KCNH1: variants seen among roughly 807,000 people sequenced by gnomAD.
KCNH1 encodes potassium voltage-gated channel subfamily H member 1, also known as voltage-gated delayed rectifier potassium channel KCNH1.
A neutral mutation model predicts 69.2 loss-of-function variants in KCNH1; 27 were observed. The observed-to-expected ratio is 0.39, with a 90% CI of 0.29 to 0.54. The LOEUF (loss-of-function observed/expected upper bound fraction) is 0.54. Ranked by LOEUF, KCNH1 falls within the 20% of genes least tolerant of loss-of-function variation. KCNH1 has a pLI of 0.68. For missense variants in KCNH1, 798 were observed against 1,261.6 expected (o/e 0.63, Z 5.57); for synonymous variants, 456 against 487.7 (o/e 0.93, Z 0.86).
At chr1:210,964,665 C>T (rs190992157) in intron 6 of KCNH1, among the ~76,000 whole-genome samples, 5 of 152,214 alleles carry the variant, frequency 3.3e-5, no homozygotes, top group African/African-American at 1.2e-4. Context: ...CCAAATTCTA[C>T]CAGAGATACA....
Position 210,745,442 on chromosome 1 carries a change from G to A in KCNH1, c.2112+29906C>T, listed in dbSNP as rs1683128136. ...TTCGCATCCAAAACTGTATTTTTCA[G>A]ATGGCTGCCTGCTTCTGAAAGTAGC... On this transcript the variant is annotated intron_variant, in intron 10 of 10. Transcript: ENST00000271751. Among the ~76,000 whole-genome samples, 10 of 152,228 alleles carry A rather than the reference G, an allele frequency of 6.6e-5. 1 individual carries two copies. The South Asian group carries it at 2.1e-3, about 32-fold the overall frequency.
chr1:210,804,478 G>A (rs1178811675), intron 7 of KCNH1, among the ~76,000 whole-genome samples: 9 of 152,236 alleles, frequency 5.9e-5, no homozygotes, highest in Non-Finnish European at 1.5e-5. Flanking sequence ...GGTTGCGGGG[G>A]CGGGGTAAGT....
intron 7 of KCNH1, chr1:210,858,467 C>A (rs1685903950): frequency 6.6e-6 from 1 of 152,110 alleles, no homozygotes; most frequent in African/African-American, 2.4e-5. Flanking sequence ...TTATCCTTGC[C>A]CCCCACTCCA....
intron 1 of KCNH1, among the ~76,000 whole-genome samples, chr1:211,125,300 G>A (rs1466003430): frequency 6.6e-6 from 1 of 152,184 alleles, no homozygotes; most frequent in Non-Finnish European, 1.5e-5. Flanking sequence ...GGCTGGTAAG[G>A]AAGAGTGTGG....
chr1:210,789,349 G>C (rs1168330879), intron 9 of KCNH1, among the ~76,000 whole-genome samples: 1 of 152,160 alleles, frequency 6.6e-6, no homozygotes, highest in Non-Finnish European at 1.5e-5. Flanking sequence ...TGTTGTTTTT[G>C]TTGTTGCTTT....
chr1:210,801,086 T>TAGC (rs200585766), intron 8 of KCNH1, among the ~76,000 whole-genome samples: 2,946 of 152,350 alleles, frequency 0.019, 52 homozygotes, highest in Non-Finnish European at 0.024. Flanking sequence ...ATTGTCATCA[T>TAGC]AGCAGCAGCA....
intron 5 of KCNH1, among the ~76,000 whole-genome samples, chr1:211,077,415 G>A (rs929778125): frequency 3.9e-5 from 6 of 152,192 alleles, no homozygotes; most frequent in Middle Eastern, 3.2e-3. Flanking sequence ...TCTCTCAGCA[G>A]AAACTCTTAC....
intron 3 of KCNH1, among the ~76,000 whole-genome samples, chr1:211,092,414 A>G (rs1691069171): frequency 6.6e-6 from 1 of 152,250 alleles, no homozygotes; most frequent in Non-Finnish European, 1.5e-5. Context: ...AAGTAGACCC[A>G]ACGGAAATGT....
intron 7 of KCNH1, among the ~76,000 whole-genome samples, chr1:210,872,577 T>G (rs946462975): frequency 6.6e-6 from 1 of 152,300 alleles, no homozygotes; most frequent in Non-Finnish European, 1.5e-5. Flanking sequence ...CTGCTCAGCT[T>G]CTGGGGAGTC....
chr1:210,787,899 T>A (rs926544816), intron 9 of KCNH1, among the ~76,000 whole-genome samples: 7 of 152,222 alleles, frequency 4.6e-5, no homozygotes, highest in African/African-American at 1.7e-4. Context: ...ACTATGCTGA[T>A]CATGAGAAAT....
At chr1:210,851,402 C>T (rs760256096) in intron 7 of KCNH1, among the ~76,000 whole-genome samples, 3 of 152,142 alleles carry the variant, frequency 2.0e-5, no homozygotes, top group Admixed American at 6.5e-5. Context: ...CACACGACAC[C>T]GTAAAGTGAA....
intron 7 of KCNH1, among the ~76,000 whole-genome samples, chr1:210,877,817 T>C (rs940964843): frequency 6.6e-6 from 1 of 152,218 alleles, no homozygotes; most frequent in African/African-American, 2.4e-5. Flanking sequence ...TTGCTCATCA[T>C]TGCATTTCCA....
At chr1:210,735,133 G>T (rs1177327291) in intron 10 of KCNH1, among the ~76,000 whole-genome samples, 1 of 152,092 alleles carries the variant, frequency 6.6e-6, no homozygotes, top group Non-Finnish European at 1.5e-5. Flanking sequence ...GCTCTGGCTG[G>T]AATGCATGCC....
intron 7 of KCNH1, among the ~76,000 whole-genome samples, chr1:210,844,359 A>G (rs191407640): frequency 7.9e-5 from 12 of 152,274 alleles, no homozygotes; most frequent in Admixed American, 7.2e-4. Flanking sequence ...TGTCTCTACT[A>G]AAAATACAAA....
rs1685924787 is a variant in KCNH1 at position 210,859,378 on chromosome 1, T to C, written c.1463-55212A>G. 5 of 1,558,856 alleles carry C rather than the reference T, an allele frequency of 3.2e-6. No homozygotes were observed. The Admixed American group carries it at 8.3e-5, about 26-fold the overall frequency. On this transcript the variant is annotated intron_variant, in intron 7 of 10. Transcript: ENST00000271751. ...ACCCTGATCCCACACAGGATTATGA[T>C]TTCGAATGGTTTGAAAGATAGCTTT...
At chr1:211,070,901 A>G (rs1427310500) in intron 5 of KCNH1, among the ~76,000 whole-genome samples, 1 of 152,096 alleles carries the variant, frequency 6.6e-6, no homozygotes, top group African/African-American at 2.4e-5. Context: ...GCCCTTGAAC[A>G]ATGCAGGAGT....
chr1:210,771,022 G>A (rs566208025), intron 10 of KCNH1, among the ~76,000 whole-genome samples: 7 of 152,246 alleles, frequency 4.6e-5, no homozygotes, highest in Admixed American at 6.5e-5. Flanking sequence ...AGGCTGTTCC[G>A]AAGATGTAAT....
chr1:210,774,458 G>A (rs1340124), intron 10 of KCNH1, among the ~76,000 whole-genome samples: 26,938 of 152,048 alleles, frequency 0.18, 2,601 homozygotes, highest in African/African-American at 0.25. Context: ...CAGCATCAAC[G>A]TTGATGCCAG....
intron 6 of KCNH1, among the ~76,000 whole-genome samples, chr1:210,978,690 T>C (rs1688658831): frequency 6.6e-6 from 1 of 152,216 alleles, no homozygotes; most frequent in South Asian, 2.1e-4. Context: ...TTAACTATTA[T>C]TACGCTTGTT....
Sources: allele counts gnomAD v4.1 joint callset (sites outside exome capture counted in the v4.1 genomes callset), GRCh38; gene constraint gnomAD v4.1.1; transcripts MANE v1.5; gene names NCBI Gene and HGNC (gene_info 2026-07-23, HGNC 2026-07-21).